The following STS variants were observed in gnomAD, a reference collection of about 807,000 sequenced individuals.
The protein encoded by STS is steroid sulfatase.
STS carries 7 observed loss-of-function variants against 26.8 expected under a neutral mutation model. The ratio of observed to expected loss-of-function variants is 0.26; its 90% CI spans 0.15 to 0.49. The LOEUF is 0.49. STS is among the 20% of genes least tolerant of loss of function. The pLI is 0.98. For synonymous variants in STS, 199 were observed against 189.4 expected, an observed-to-expected ratio of 1.05 and a Z score of -0.42; for missense variants, 434 against 465.6, an observed-to-expected ratio of 0.93 and a Z score of 0.63.
chrX:7,335,517 C>G (rs1379296890), intron 10 of STS, among the ~76,000 whole-genome samples: 8 of 111,823 alleles, frequency 7.2e-5, no homozygotes, highest in East Asian at 2.8e-4. Context: ...AGCCCTTTGT[C>G]AGATGAGTAG....
chrX:7,300,006 A>T (rs1400653672), intron 7 of STS, among the ~76,000 whole-genome samples: 3 of 111,814 alleles, frequency 2.7e-5, no homozygotes, highest in Non-Finnish European at 5.6e-5. Context: ...TCTTAATAGT[A>T]GCTTAGTGCT....
intron 2 of STS, among the ~76,000 whole-genome samples, chrX:7,201,255 G>A (rs1225561189): frequency 1.8e-5 from 2 of 111,516 alleles, no homozygotes; most frequent in African/African-American, 6.5e-5. Flanking sequence ...TCAGATAGAT[G>A]GATGGATAGA....
intron 7 of STS, among the ~76,000 whole-genome samples, chrX:7,281,178 A>AG (rs369226006): frequency 9.0e-6 from 1 of 110,781 alleles, no homozygotes; most frequent in African/African-American, 3.3e-5. Context: ...AAAAAAAAAA[A>AG]GCCTTGCTAT....
At chrX:7,288,060 T>C (rs1336711243) in intron 7 of STS, among the ~76,000 whole-genome samples, 1 of 110,864 alleles carries the variant, frequency 9.0e-6, no homozygotes, top group Admixed American at 9.7e-5. Flanking sequence ...ACTTTTCTAT[T>C]GGATTGTAGA....
At chrX:7,151,448 G>A (rs1445567888) in intron 1 of STS, among the ~76,000 whole-genome samples, 1 of 111,649 alleles carries the variant, frequency 9.0e-6, no homozygotes, top group East Asian at 2.8e-4. Flanking sequence ...CCTCATTGCA[G>A]ACTTACCTGC....
intron 7 of STS, among the ~76,000 whole-genome samples, chrX:7,302,894 T>C (rs1926038191): frequency 8.9e-6 from 1 of 111,732 alleles, no homozygotes; most frequent in South Asian, 3.7e-4. Context: ...TCAGTTGTTG[T>C]GGACATCCTA....
chrX:7,317,941 T>C (rs1357814730), intron 8 of STS, among the ~76,000 whole-genome samples: 1 of 111,968 alleles, frequency 8.9e-6, no homozygotes, highest in Non-Finnish European at 1.9e-5. Context: ...CCATTGTATA[T>C]CTTTGTGTCC....
At chrX:7,186,053 T>C (rs1387231281) in intron 1 of STS, among the ~76,000 whole-genome samples, 2 of 112,133 alleles carry the variant, frequency 1.8e-5, no homozygotes, top group African/African-American at 6.5e-5. Flanking sequence ...AAAATGTTTA[T>C]TCAGTCGTAA....
chrX:7,165,312 A>G (rs763920661), intron 1 of STS, among the ~76,000 whole-genome samples: 34 of 109,788 alleles, frequency 3.1e-4, no homozygotes, highest in Middle Eastern at 4.6e-3. Context: ...GGAATGCACA[A>G]TCACCCCTGG....
At chrX:7,343,375 G>C (rs958612643) in intron 10 of STS, among the ~76,000 whole-genome samples, 5 of 112,206 alleles carry the variant, frequency 4.5e-5, no homozygotes, top group African/African-American at 1.6e-4. Context: ...AGATTGAAGG[G>C]CAGATGGAAA....
At chrX:7,213,234 G>A (rs1348177530) in intron 2 of STS, among the ~76,000 whole-genome samples, 2 of 111,853 alleles carry the variant, frequency 1.8e-5, no homozygotes, top group Admixed American at 1.9e-4. Context: ...ACACAGGAGA[G>A]GCCTCAGTTC....
chrX:7,169,606 T>C (rs1933423184), intron 1 of STS, among the ~76,000 whole-genome samples: 1 of 112,117 alleles, frequency 8.9e-6, no homozygotes, highest in Admixed American at 9.5e-5. Context: ...ACCATACTGT[T>C]ATCCACAGCA....
At chrX:7,150,433 G>A (rs1446747511) in intron 1 of STS, among the ~76,000 whole-genome samples, 6 of 110,757 alleles carry the variant, frequency 5.4e-5, no homozygotes, top group African/African-American at 2.0e-4. Context: ...ATGTTGGCCA[G>A]GCTGGTCTTG....
rs141540161 is a variant in STS, at chrX:7,286,905, T to C, written c.943+10818T>C. 1.4e-4 allele frequency among the ~76,000 whole-genome samples: 16 copies of C among 112,270 alleles called. 1 individual carries two copies. The East Asian group carries it at 4.5e-3, about 31-fold the overall frequency. On this transcript the variant is annotated intron_variant, in intron 7 of 10. Coordinates refer to ENST00000674429, the MANE Select transcript of STS (RefSeq NM_001320752.2). ...TTTTATCTAGGGTTCTTACTCCTTT[T>C]CATTACTGCAGGAAGAAAATGAATT... is the stretch of plus-strand genomic sequence containing the variant.
At chrX:7,320,971 G>A (rs1468456295) in intron 8 of STS, among the ~76,000 whole-genome samples, 1 of 111,556 alleles carries the variant, frequency 9.0e-6, no homozygotes, top group Non-Finnish European at 1.9e-5. Context: ...GTCTTCAGCT[G>A]TAAGAAATGA....
intron 2 of STS, among the ~76,000 whole-genome samples, chrX:7,206,517 C>T (rs768030358): frequency 6.2e-5 from 7 of 112,084 alleles, no homozygotes; most frequent in African/African-American, 2.3e-4. Context: ...CCATATATGA[C>T]CAGCCATATG....
chrX:7,322,648 G>A (rs112190593), intron 8 of STS, among the ~76,000 whole-genome samples: 2,671 of 111,882 alleles, frequency 0.024, 51 homozygotes, highest in Non-Finnish European at 0.037. Context: ...TGATCCACCC[G>A]TCTTGGCCTC....
At chrX:7,347,404 G>A (rs1213290856) in intron 10 of STS, among the ~76,000 whole-genome samples, 6 of 111,917 alleles carry the variant, frequency 5.4e-5, no homozygotes, top group Non-Finnish European at 7.5e-5. Flanking sequence ...CAACCCCAGA[G>A]CATGCTAAAT....
chrX:7,153,674 C>T (rs1360086686), intron 1 of STS, among the ~76,000 whole-genome samples: 19 of 73,546 alleles, frequency 2.6e-4, no homozygotes, highest in African/African-American at 5.0e-4. Context: ...CTCTCCTTCC[C>T]TCCCTTCCTT....
Sources: allele counts gnomAD v4.1 joint callset (sites outside exome capture counted in the v4.1 genomes callset), GRCh38; gene constraint gnomAD v4.1.1; transcripts MANE v1.5; gene names NCBI Gene and HGNC (gene_info 2026-07-23, HGNC 2026-07-21).